Variants in PPM1A observed in about 807,000 individuals in gnomAD.
PPM1A encodes protein phosphatase, Mg2+/Mn2+ dependent 1A, also known as protein phosphatase 1A.
In PPM1A, 7 loss-of-function variants were observed where a neutral mutation model predicts 35.0. That is an observed-to-expected ratio of 0.20 (90% CI 0.11 to 0.38). PPM1A has a LOEUF of 0.38. Among genes scored for constraint, PPM1A ranks in the 10% least tolerant of loss-of-function variants. PPM1A has a pLI of 1.00. For synonymous variants in PPM1A, 153 were observed against 167.3 expected, an observed-to-expected ratio of 0.91 and a Z score of 0.66; for missense variants, 239 against 467.8, an observed-to-expected ratio of 0.51 and a Z score of 4.51.
At position 60,282,577 on chromosome 14, in the gene PPM1A, G is replaced by A. The variant is rs1278511493; in HGVS notation, c.-20-107G>A. ...GCAACACAATGAATGTCTGCTTATC[G>A]CGAGTTGTGAATTCCCGCATATCTC... On this transcript the variant is annotated intron_variant, in intron 1 of 5. Transcript: ENST00000395076. The surrounding 1 kb of genome is among the most constrained non-coding windows in gnomAD (Gnocchi z 5.1). 12 of 1,367,676 alleles carry A rather than the reference G, an allele frequency of 8.8e-6. 1 individual carries two copies. The highest frequency in any genetic ancestry group is 7.2e-5 in the South Asian group (5 of 69,334). The allele number at this position is 1,367,676 out of a possible 1,614,324, so 84.7% of individuals were successfully genotyped here.
chr14:60,249,816 C>A lies in PPM1A; in HGVS notation c.-21+139C>A. 1 of 374,450 alleles carries A rather than the reference C, an allele frequency of 2.7e-6. No homozygotes were observed. Among genetic ancestry groups the A allele is most frequent in the African/African-American group, 2.2e-5 (1 of 45,558 alleles). The allele number at this position is 374,450 out of a possible 1,614,324, so 23.2% of individuals were successfully genotyped here. On this transcript the variant is annotated intron_variant, in intron 1 of 5. Transcript: ENST00000395076. The surrounding 1 kb of genome is among the most constrained non-coding windows in gnomAD (Gnocchi z 4.5). The stretch of plus-strand genomic sequence containing the variant: ...CCGGGAGGAGACGCGACAACTCCAC[C>A]CCCTGGCCGGCCTCCTCCCCCGAGC...
At chr14:60,272,535 C>G (rs1023350382) in intron 1 of PPM1A, among the ~76,000 whole-genome samples, 2 of 151,868 alleles carry the variant, frequency 1.3e-5, no homozygotes, top group African/African-American at 4.8e-5. Flanking sequence ...GATGAATCCC[C>G]ATCTCTACTA....
intron 3 of PPM1A, chr14:60,286,232 T>C: frequency 1.0e-6 from 1 of 986,036 alleles, no homozygotes; most frequent in Non-Finnish European, 1.2e-6. Flanking sequence ...AAAAATTTGC[T>C]TTAAACTGTT....
intron 1 of PPM1A, among the ~76,000 whole-genome samples, chr14:60,253,796 G>C (rs539662787): frequency 1.3e-5 from 2 of 152,272 alleles, no homozygotes; most frequent in East Asian, 3.9e-4. Flanking sequence ...CCTTAATGAA[G>C]GATCTAGGGA....
Position 60,288,241 on chromosome 14 carries a change from T to G in PPM1A, c.953-1565T>G, listed in dbSNP as rs1887246392. The G allele has an allele frequency of 3.1e-6, 3 of 967,198 alleles. No homozygotes were observed. In the African/African-American group the frequency reaches 5.3e-5, roughly 17 times the overall value. The allele number at this position is 967,198 out of a possible 1,614,324, so 59.9% of individuals were successfully genotyped here. A position where few individuals can be genotyped will look rare whatever the true frequency, so the allele number is the denominator to read the frequency against. On this transcript the variant is annotated intron_variant, in intron 3 of 5. Coordinates refer to ENST00000395076, the MANE Select transcript of PPM1A (RefSeq NM_021003.5). Reference sequence around the variant, plus strand: ...TTTCTTCACAGTTAAAATATCCTAATTTATATTTTAACAAAAGAGATGTAA... The same window carrying G: ...TTTCTTCACAGTTAAAATATCCTAAGTTATATTTTAACAAAAGAGATGTAA...
Position 60,271,587 on chromosome 14 carries a change from A to G in PPM1A, c.-20-11097A>G, listed in dbSNP as rs547927768. On this transcript the variant is annotated intron_variant, in intron 1 of 5. Coordinates refer to ENST00000395076, the MANE Select transcript of PPM1A (RefSeq NM_021003.5). ...ATATGAATTGAATTGGATGTGGTCA[A>G]TAAGGATTGCTAGGGACTCGAGAAT... 1.4e-4 allele frequency among the ~76,000 whole-genome samples: 21 copies of G among 152,352 alleles called. No individual in the cohort carries two copies. The South Asian group carries it at 3.5e-3, about 26-fold the overall frequency.
At chr14:60,284,576 A>C (rs1478893000) in intron 2 of PPM1A, among the ~76,000 whole-genome samples, 1 of 149,668 alleles carries the variant, frequency 6.7e-6, no homozygotes. Flanking sequence ...CGGGAGGCGG[A>C]GCTTGCAGTG....
In PPM1A at chr14:60,292,598, A is replaced by C. The variant is rs1014251336; in HGVS notation, c.*116A>C. 19 of 820,624 alleles carry C rather than the reference A, an allele frequency of 2.3e-5. No homozygotes were observed. In the Admixed American group the frequency reaches 4.2e-4, roughly 18 times the overall value. 50.8% of individuals were successfully genotyped at this position (820,624 alleles called of 1,614,324 possible). A position where few individuals can be genotyped will look rare whatever the true frequency, so the allele number is the denominator to read the frequency against. Reference sequence around the variant, plus strand: ...TAAGGAAGGGGATATGACATGGGTGAGAATGATTACATCAGAGAACTTCAG... The same window carrying C: ...TAAGGAAGGGGATATGACATGGGTGCGAATGATTACATCAGAGAACTTCAG... On this transcript the variant is annotated 3_prime_UTR_variant, in exon 6 of 6. Transcript: ENST00000395076. This position sits in a 1 kb window ranked among gnomAD's most constrained non-coding sequence, Gnocchi z 4.2.
Position 60,279,140 on chromosome 14 carries a change from CGTT to C in PPM1A, c.-20-3540_-20-3538del, listed in dbSNP as rs759865522. On this transcript the variant is annotated intron_variant, in intron 1 of 5. Transcript: ENST00000395076. Reference sequence around the variant, plus strand: ...TTTGTTCTGTTTTGTTTTCTTGAGACGTTGTTTCGCTCTTGCTGCCCGGGCTAG... The same window carrying C: ...TTTGTTCTGTTTTGTTTTCTTGAGACGTTTCGCTCTTGCTGCCCGGGCTAG... 4.9e-4 allele frequency among the ~76,000 whole-genome samples: 74 copies of C among 152,270 alleles called. No homozygotes were observed. The Middle Eastern group carries it at 0.01, about 21-fold the overall frequency.
rs1022169318 is a variant in PPM1A, at chr14:60,292,709, C to T, written c.*227C>T. The T allele has an allele frequency of 4.2e-4, 155 of 368,946 alleles. 1 individual carries two copies. In the Middle Eastern group the frequency reaches 7.2e-3, roughly 17 times the overall value. The allele number at this position is 368,946 out of a possible 1,614,324, so 22.9% of individuals were successfully genotyped here. On this transcript the variant is annotated 3_prime_UTR_variant, in exon 6 of 6. Transcript: ENST00000395076. The surrounding 1 kb of genome is among the most constrained non-coding windows in gnomAD (Gnocchi z 4.2). The stretch of plus-strand genomic sequence containing the variant: ...GTAAGCGTGATTTCAAACCATAATT[C>T]GTGTTGTAAATCAGACTCCAGCAAT...
In PPM1A at chr14:60,297,449, A is replaced by C. The variant is rs1443490958; in HGVS notation, c.*4967A>C. 2.6e-5 allele frequency: 4 copies of C among 151,778 alleles called. No individual in the cohort carries two copies. Among genetic ancestry groups the C allele is most frequent in the African/African-American group, 9.7e-5 (4 of 41,428 alleles). 9.4% of individuals were successfully genotyped at this position (151,778 alleles called of 1,614,324 possible). ...ATTAATAAGTTACTGATTCTTCAGC[A>C]TAGAAACAACTGAGAAGAATTAATG... On this transcript the variant is annotated 3_prime_UTR_variant, in exon 6 of 6. Transcript: ENST00000395076.
intron 1 of PPM1A, among the ~76,000 whole-genome samples, chr14:60,262,969 G>A (rs1883935988): frequency 6.6e-6 from 1 of 152,200 alleles, no homozygotes; most frequent in African/African-American, 2.4e-5. Context: ...GCTCACGCCT[G>A]TAATCCTAGC....
At position 60,295,815 on chromosome 14, in the gene PPM1A, A is replaced by C. The variant is rs1888019086; in HGVS notation, c.*3333A>C. On this transcript the variant is annotated 3_prime_UTR_variant, in exon 6 of 6. Coordinates refer to ENST00000395076, the MANE Select transcript of PPM1A (RefSeq NM_021003.5). ...TATCTACCAGGTACTTAGCTGATCA[A>C]GGCAGGCCCCTGCCCTAAAGACCTT... 1 of 151,688 alleles carries C rather than the reference A, an allele frequency of 6.6e-6. No individual in the cohort carries two copies. The highest frequency in any genetic ancestry group is 1.5e-5 in the Non-Finnish European group (1 of 67,700). 9.4% of individuals were successfully genotyped at this position (151,688 alleles called of 1,614,324 possible). A position where few individuals can be genotyped will look rare whatever the true frequency, so the allele number is the denominator to read the frequency against.
intron 1 of PPM1A, among the ~76,000 whole-genome samples, chr14:60,269,782 C>T (rs1884866433): frequency 6.6e-6 from 1 of 152,208 alleles, no homozygotes; most frequent in Non-Finnish European, 1.5e-5. Context: ...CTCCTGACCT[C>T]AGGTGATCCT....
At chr14:60,269,838 C>T (rs73315797) in intron 1 of PPM1A, among the ~76,000 whole-genome samples, 1,943 of 152,260 alleles carry the variant, frequency 0.013, 47 homozygotes, top group African/African-American at 0.045. Flanking sequence ...CGTGAGCCAT[C>T]GTGCCCAGCC....
intron 1 of PPM1A, among the ~76,000 whole-genome samples, chr14:60,253,458 T>C (rs935214128): frequency 2.6e-5 from 4 of 152,102 alleles, no homozygotes; most frequent in African/African-American, 9.7e-5. Flanking sequence ...TGGGTAGATA[T>C]AAAAGTATTT....
At chr14:60,266,043 T>C (rs1884336747) in intron 1 of PPM1A, among the ~76,000 whole-genome samples, 1 of 152,046 alleles carries the variant, frequency 6.6e-6, no homozygotes, top group Non-Finnish European at 1.5e-5. Flanking sequence ...GAGAGGTATA[T>C]TTTTTTATTC....
At chr14:60,261,690 C>T (rs1883760426) in intron 1 of PPM1A, among the ~76,000 whole-genome samples, 1 of 152,192 alleles carries the variant, frequency 6.6e-6, no homozygotes, top group African/African-American at 2.4e-5. Flanking sequence ...CTGTCAGATT[C>T]AGTGGGCTGT....
At chr14:60,269,856 T>G (rs1884878262) in intron 1 of PPM1A, among the ~76,000 whole-genome samples, 2 of 152,158 alleles carry the variant, frequency 1.3e-5, no homozygotes, top group Admixed American at 1.3e-4. Context: ...GCCGATGGCA[T>G]GTTTATTTTG....
Sources: gnomAD v4.1 joint callset for allele counts (sites outside exome capture counted in the v4.1 genomes callset) on GRCh38, gnomAD v4.1.1 for gene constraint, Gnocchi (gnomAD v3.1) non-coding constraint, MANE v1.5 for transcripts, NCBI Gene and HGNC (gene_info 2026-07-23, HGNC 2026-07-21) for gene names.